CATSPERE: variants seen among roughly 807,000 people sequenced by gnomAD.
CATSPERE encodes cation channel sperm-associated auxiliary subunit epsilon.
CATSPERE carries 93 observed loss-of-function variants against 114.1 expected under a neutral mutation model. The observed-to-expected ratio is 0.81, with a 90% CI of 0.69 to 0.97. CATSPERE has a LOEUF of 0.97. Among genes scored for constraint, CATSPERE ranks in the 50% least tolerant of loss-of-function variants. The probability of loss-of-function intolerance (pLI) is 0.00; values close to 1 mark genes in which losing one functional copy is unlikely to be tolerated. For synonymous variants in CATSPERE, 341 were observed against 384.1 expected (o/e 0.89, Z 1.31); for missense variants, 1,058 against 1,131.6 (o/e 0.93, Z 0.93).
In CATSPERE at chr1:244,467,040, A is replaced by G. The variant is rs555919947; in HGVS notation, c.114+3084A>G. Reference sequence around the variant, plus strand: ...GATAGCCTAGAGTTATGCAGGAATGAATGATCATGGCTGAGAATACAATAC... The same window carrying G: ...GATAGCCTAGAGTTATGCAGGAATGGATGATCATGGCTGAGAATACAATAC... On this transcript the variant is annotated intron_variant, in intron 2 of 21. Coordinates refer to ENST00000366534, the MANE Select transcript of CATSPERE (RefSeq NM_001130957.2). Among the ~76,000 whole-genome samples the G allele has an allele frequency of 2.6e-5, 4 of 152,330 alleles. No individual in the cohort carries two copies. In the East Asian group the frequency reaches 7.7e-4, roughly 29 times the overall value.
At chr1:244,621,126 T>TA (rs1672164931) in intron 20 of CATSPERE, among the ~76,000 whole-genome samples, 1 of 96,746 alleles carries the variant, frequency 1.0e-5, no homozygotes, top group African/African-American at 4.3e-5. Flanking sequence ...AATATATATA[T>TA]AAATATATAT....
At chr1:244,476,814 C>T (rs975172813) in intron 2 of CATSPERE, among the ~76,000 whole-genome samples, 9 of 152,030 alleles carry the variant, frequency 5.9e-5, no homozygotes, top group Non-Finnish European at 1.3e-4. Flanking sequence ...AAAAAAGTAG[C>T]TTTAGAAATA....
intron 6 of CATSPERE, among the ~76,000 whole-genome samples, chr1:244,494,272 A>G (rs1360146631): frequency 1.3e-5 from 2 of 152,120 alleles, no homozygotes; most frequent in African/African-American, 4.8e-5. Context: ...CTATGCAGCC[A>G]TAAAAAATGA....
chr1:244,607,645 A>G lies in CATSPERE; in HGVS notation c.2403+1851A>G, dbSNP rs1035466155. On this transcript the variant is annotated intron_variant, in intron 18 of 21. Coordinates refer to ENST00000366534, the MANE Select transcript of CATSPERE (RefSeq NM_001130957.2). The surrounding 1 kb of genome is among the most constrained non-coding windows in gnomAD (Gnocchi z 4.4). ...CACGTGAACCTTCACGCTTTCCATC[A>G]TACCTCACATCAGTGTATTACAGCA... Among the ~76,000 whole-genome samples the G allele has an allele frequency of 6.6e-6, 1 of 152,234 alleles. No homozygotes were observed. The highest frequency in any genetic ancestry group is 1.5e-5 in the Non-Finnish European group (1 of 68,044).
In CATSPERE at chr1:244,504,165, A is replaced by C. The variant is rs1674484973; in HGVS notation, c.429+5086A>C. 6.6e-6 allele frequency among the ~76,000 whole-genome samples: 1 copy of C among 152,230 alleles called. No homozygotes were observed. Among genetic ancestry groups the C allele is most frequent in the Non-Finnish European group, 1.5e-5 (1 of 68,050 alleles). ...TTAACAAATAAAAGAGCACACAAAT[A>C]TCCAGCTATTTATCTGCACTTGAAA... On this transcript the variant is annotated intron_variant, in intron 7 of 21. Coordinates refer to ENST00000366534, the MANE Select transcript of CATSPERE (RefSeq NM_001130957.2). The surrounding 1 kb of genome is among the most constrained non-coding windows in gnomAD (Gnocchi z 4.1).
At position 244,609,422 on chromosome 1, in the gene CATSPERE, C is replaced by T. The variant is rs536947030; in HGVS notation, c.2404-818C>T. 1.3e-4 allele frequency among the ~76,000 whole-genome samples: 19 copies of T among 151,224 alleles called. No individual in the cohort carries two copies. The South Asian group carries it at 3.1e-3, about 25-fold the overall frequency. ...CTGGAGTGCAGTGGCGTGATCTTGG[C>T]GCACTGCAACCTCTGCCTCCCAGGT... On this transcript the variant is annotated intron_variant, in intron 18 of 21. Transcript: ENST00000366534.
rs946312870 is a variant in CATSPERE, at chr1:244,575,830, A to C, written c.1950+3058A>C. Among the ~76,000 whole-genome samples, 1 of 151,544 alleles carries C rather than the reference A, an allele frequency of 6.6e-6. No individual in the cohort carries two copies. The highest frequency in any genetic ancestry group is 1.5e-5 in the Non-Finnish European group (1 of 67,912). Reference sequence around the variant, plus strand: ...AGAAGAGAGGAAAGGGAAGTTTTGAATATTTTTCCTATTGCTGGAGGATTG... The same window carrying C: ...AGAAGAGAGGAAAGGGAAGTTTTGACTATTTTTCCTATTGCTGGAGGATTG... On this transcript the variant is annotated intron_variant, in intron 11 of 21. Transcript: ENST00000366534. The surrounding 1 kb of genome is among the most constrained non-coding windows in gnomAD (Gnocchi z 4.5).
chr1:244,506,744 C>T (rs1674887044), intron 7 of CATSPERE, among the ~76,000 whole-genome samples: 1 of 152,116 alleles, frequency 6.6e-6, no homozygotes, highest in South Asian at 2.1e-4. Flanking sequence ...TCACCTCAAA[C>T]ATTTATCTTT....
intron 14 of CATSPERE, 52 bp from the exon 15 acceptor site, chr1:244,591,629 G>A: frequency 1.8e-6 from 2 of 1,085,126 alleles, no homozygotes; most frequent in South Asian, 2.8e-5. Context: ...AAATGTTTTT[G>A]CAAATATTTA....
At chr1:244,585,084 C>G (rs776751995) in intron 13 of CATSPERE, among the ~76,000 whole-genome samples, 1 of 103,190 alleles carries the variant, frequency 9.7e-6, no homozygotes, top group Non-Finnish European at 1.8e-5. Context: ...TTTAGGGATC[C>G]CTATTCATTC....
In CATSPERE at chr1:244,520,152, A is replaced by G. The variant is rs927528876; in HGVS notation, c.536+1454A>G. On this transcript the variant is annotated intron_variant, in intron 8 of 21. Coordinates refer to ENST00000366534, the MANE Select transcript of CATSPERE (RefSeq NM_001130957.2). ...TTTACATTTTTATGAATTCCTAATT[A>G]CCTGTTTTTTTCCTTTGGTTCTGTG... 2.0e-5 allele frequency among the ~76,000 whole-genome samples: 3 copies of G among 152,258 alleles called. No individual in the cohort carries two copies. In the South Asian group the frequency reaches 6.2e-4, roughly 32 times the overall value.
At chr1:244,566,977 C>A (rs1164674155) in intron 10 of CATSPERE, among the ~76,000 whole-genome samples, 3 of 152,062 alleles carry the variant, frequency 2.0e-5, no homozygotes, top group African/African-American at 7.2e-5. Flanking sequence ...TTTGCAGTGG[C>A]TGGTACTGGT....
At chr1:244,498,645 C>T (rs933624136) in intron 6 of CATSPERE, among the ~76,000 whole-genome samples, 3 of 152,208 alleles carry the variant, frequency 2.0e-5, no homozygotes, top group Admixed American at 1.3e-4. Context: ...CGCCTGTAAT[C>T]GCAGCACTTT....
rs1662468764 is a variant in CATSPERE at position 244,560,979 on chromosome 1, GC to G, written c.1343del (p.Pro448HisfsTer55). 1 of 1,613,968 alleles carries G rather than the reference GC, an allele frequency of 6.2e-7. No homozygotes were observed. The highest frequency in any genetic ancestry group is 1.3e-5 in the African/African-American group (1 of 74,906). ...LDAPIDSVTM[P>X]HFTFSALPGL... The stretch of plus-strand genomic sequence containing the variant: ...ATGCCCCTATTGACAGTGTTACCAT[GC>G]CACATTTTACATTTTCAGCACTGCC... On this transcript the variant is annotated frameshift_variant, in exon 10 of 22. Transcript: ENST00000366534. LOFTEE classifies it high-confidence loss of function.
At chr1:244,590,430 G>T (rs370976146) in intron 14 of CATSPERE, among the ~76,000 whole-genome samples, 10 of 152,204 alleles carry the variant, frequency 6.6e-5, no homozygotes, top group East Asian at 1.9e-4. Context: ...TTTTTAAAAA[G>T]TGTGATGAAA....
chr1:244,526,450 T>C (rs938143574), intron 8 of CATSPERE, among the ~76,000 whole-genome samples: 1 of 151,750 alleles, frequency 6.6e-6, no homozygotes, highest in Non-Finnish European at 1.5e-5. Context: ...TTCTTACATG[T>C]CCTTGTATAT....
chr1:244,451,510 A>C, upstream of CATSPERE: 1 of 1,050,912 alleles, frequency 9.5e-7, no homozygotes, highest in Non-Finnish European at 1.3e-6. The surrounding 1 kb of genome is among the most constrained non-coding windows in gnomAD (Gnocchi z 6.6). Flanking sequence ...AGGAGGAGAG[A>C]GCCTCAAGGT....
intron 13 of CATSPERE, among the ~76,000 whole-genome samples, chr1:244,585,225 T>G (rs1273289786): frequency 6.6e-6 from 1 of 152,176 alleles, no homozygotes; most frequent in South Asian, 2.1e-4. Flanking sequence ...AAAGGGAAAA[T>G]GTACCATCTA....
chr1:244,556,092 G>A (rs373805697), intron 9 of CATSPERE, among the ~76,000 whole-genome samples: 6 of 152,262 alleles, frequency 3.9e-5, no homozygotes, highest in Admixed American at 1.3e-4. Flanking sequence ...CAGCTACTTG[G>A]AATGCTGAAG....
Sources: gnomAD v4.1 joint callset for allele counts (sites outside exome capture counted in the v4.1 genomes callset) on GRCh38, gnomAD v4.1.1 for gene constraint, Gnocchi (gnomAD v3.1) non-coding constraint, MANE v1.5 for transcripts, NCBI Gene and HGNC (gene_info 2026-07-23, HGNC 2026-07-21) for gene names.